The following IGF1R variants were observed in gnomAD, a reference collection of about 807,000 sequenced individuals.
IGF1R encodes insulin like growth factor 1 receptor, also known as insulin-like growth factor 1 receptor.
Under a neutral mutation model 144.6 loss-of-function variants are expected in IGF1R, and 44 were observed. That is an observed-to-expected ratio of 0.30 (90% CI 0.24 to 0.39). IGF1R has a LOEUF of 0.39. Ranked by LOEUF, IGF1R falls within the 10% of genes least tolerant of loss-of-function variation. The pLI is 1.00. For missense variants in IGF1R, 1,355 were observed against 1,833.7 expected (o/e 0.74, Z 4.77); for synonymous variants, 795 against 722.8 (o/e 1.10, Z -1.60).
chr15:98,897,191 C>A, intron 4 of IGF1R: 1 of 446,870 alleles, frequency 2.2e-6, no homozygotes, highest in Non-Finnish European at 4.1e-6. Flanking sequence ...CAAGCCCTGA[C>A]ACATACAAAC....
At chr15:98,659,774 C>G (rs1054825832) in intron 1 of IGF1R, among the ~76,000 whole-genome samples, 5 of 152,156 alleles carry the variant, frequency 3.3e-5, no homozygotes, top group African/African-American at 1.2e-4. Flanking sequence ...TAAAAAAACA[C>G]TACTGATTTC....
chr15:98,714,761 ATTGTCT>A (rs1187879293), intron 2 of IGF1R, among the ~76,000 whole-genome samples: 1 of 152,308 alleles, frequency 6.6e-6, no homozygotes, highest in East Asian at 1.9e-4. Flanking sequence ...AGAGGGGCAC[ATTGTCT>A]TTGTAGTGAG....
chr15:98,924,017 G>T lies in IGF1R; in HGVS notation c.2622+5G>T, dbSNP rs1032076145. ...AAATACGGATCACAAGTTGAGGTAG[G>T]ACTGGGGCAGTGGCCCGTGCCTGCA... is the stretch of plus-strand genomic sequence containing the variant. On this transcript the variant is annotated splice_donor_5th_base_variant and intron_variant, in intron 12 of 20. Coordinates refer to ENST00000650285, the MANE Select transcript of IGF1R (RefSeq NM_000875.5). The T allele has an allele frequency of 6.2e-7, 1 of 1,613,770 alleles. No homozygotes were observed. The highest frequency in any genetic ancestry group is 8.5e-7 in the Non-Finnish European group (1 of 1,179,760).
chr15:98,752,880 CAA>C (rs2055048259), intron 2 of IGF1R, among the ~76,000 whole-genome samples: 1 of 150,430 alleles, frequency 6.6e-6, no homozygotes, highest in East Asian at 1.9e-4. Flanking sequence ...AAATAGTAGC[CAA>C]AGTTACTCAG....
chr15:98,933,177 A>G (rs1279214011), intron 15 of IGF1R, among the ~76,000 whole-genome samples: 1 of 152,202 alleles, frequency 6.6e-6, no homozygotes, highest in Non-Finnish European at 1.5e-5. Flanking sequence ...AATTACTGAC[A>G]TTTCATATGG....
chr15:98,793,880 C>A (rs1287602033), intron 2 of IGF1R, among the ~76,000 whole-genome samples: 1 of 152,218 alleles, frequency 6.6e-6, no homozygotes, highest in Non-Finnish European at 1.5e-5. Flanking sequence ...TTCTGAAATA[C>A]CTGTGTTCGT....
intron 2 of IGF1R, among the ~76,000 whole-genome samples, chr15:98,889,643 TTGTATTTATA>T (rs1357623842): frequency 6.6e-6 from 1 of 152,220 alleles, no homozygotes; most frequent in Admixed American, 6.5e-5. Flanking sequence ...TTGTAGATAC[TTGTATTTATA>T]TGTCCATGCA....
intron 7 of IGF1R, among the ~76,000 whole-genome samples, 177 bp from the exon 8 acceptor site, chr15:98,912,867 G>A (rs937326051): frequency 2.6e-5 from 4 of 152,198 alleles, no homozygotes; most frequent in South Asian, 4.1e-4. Flanking sequence ...TGTAATGCCC[G>A]ACTGGGGAAG....
At chr15:98,915,770 A>T (rs1022525841) in intron 8 of IGF1R, among the ~76,000 whole-genome samples, 194 bp from the exon 9 acceptor site, 2 of 152,250 alleles carry the variant, frequency 1.3e-5, no homozygotes, top group African/African-American at 2.4e-5. Context: ...GAAATAGATT[A>T]TAAAGGGAAA....
intron 1 of IGF1R, among the ~76,000 whole-genome samples, chr15:98,650,155 C>T (rs1397912739): frequency 2.0e-5 from 3 of 152,106 alleles, no homozygotes; most frequent in Non-Finnish European, 2.9e-5. Flanking sequence ...CAGTGGGGAG[C>T]GGGCAGCCGC....
In IGF1R at chr15:98,932,213, C is replaced by T. The variant is rs574045780; in HGVS notation, c.2956+1908C>T. 1.4e-4 allele frequency among the ~76,000 whole-genome samples: 22 copies of T among 152,302 alleles called. No homozygotes were observed. In the South Asian group the frequency reaches 4.6e-3, roughly 32 times the overall value. ...TACAACAAAAACAAACTTATTGCCA[C>T]CCAGGTCGACAGGTGGGAACAGTGT... is the stretch of plus-strand genomic sequence containing the variant. On this transcript the variant is annotated intron_variant, in intron 15 of 20. Transcript: ENST00000650285.
At position 98,924,030 on chromosome 15, in the gene IGF1R, G is replaced by A. The variant is rs1388507398; in HGVS notation, c.2622+18G>A. The A allele has an allele frequency of 1.2e-6, 2 of 1,611,918 alleles. No individual in the cohort carries two copies. The highest frequency in any genetic ancestry group is 2.2e-5 in the East Asian group (1 of 44,882). On this transcript the variant is annotated intron_variant, in intron 12 of 20. Coordinates refer to ENST00000650285, the MANE Select transcript of IGF1R (RefSeq NM_000875.5). ...AAGTTGAGGTAGGACTGGGGCAGTG[G>A]CCCGTGCCTGCATGTACTTCCATCC... is the stretch of plus-strand genomic sequence containing the variant.
At chr15:98,652,659 A>G (rs1441696871) in intron 1 of IGF1R, among the ~76,000 whole-genome samples, 3 of 152,258 alleles carry the variant, frequency 2.0e-5, no homozygotes, top group African/African-American at 4.8e-5. Context: ...AGTCAGTCAC[A>G]AAAGACCACA....
chr15:98,895,206 G>C (rs2014122430), intron 3 of IGF1R, among the ~76,000 whole-genome samples: 2 of 146,538 alleles, frequency 1.4e-5, no homozygotes, highest in African/African-American at 5.3e-5. Context: ...CTACACAAGT[G>C]ATCAGTGACA....
At chr15:98,944,571 T>C (rs1387424290) in intron 19 of IGF1R, among the ~76,000 whole-genome samples, 1 of 152,218 alleles carries the variant, frequency 6.6e-6, no homozygotes, top group Non-Finnish European at 1.5e-5. Context: ...CTCAAAAGAA[T>C]GGAAATGATT....
intron 8 of IGF1R, 99 bp from the exon 9 acceptor site, chr15:98,915,865 G>A: frequency 5.6e-6 from 6 of 1,062,610 alleles, no homozygotes; most frequent in Non-Finnish European, 7.4e-6. Flanking sequence ...TTCTTATCCA[G>A]GTCAAACTGG....
intron 2 of IGF1R, among the ~76,000 whole-genome samples, chr15:98,795,140 ATTGACTATTGTAGCAGTCATAGATTGTTT>A (rs2056209082): frequency 1.2e-3 from 1 of 850 alleles, no homozygotes; most frequent in African/African-American, 3.5e-3. Context: ...GTGGGAAAAT[ATTGACTATTGTAGCAGTCATAGATTGTTT>A]AGGAAGCAGC....
At chr15:98,789,912 A>G (rs1448090485) in intron 2 of IGF1R, among the ~76,000 whole-genome samples, 2 of 152,160 alleles carry the variant, frequency 1.3e-5, no homozygotes, top group East Asian at 1.9e-4. Context: ...CTGCCCTGAA[A>G]ATGGCCCTGA....
intron 2 of IGF1R, among the ~76,000 whole-genome samples, chr15:98,736,610 C>CTTTTTTTTTTTTTTTTTTTTTTTTT (rs1321651793): frequency 7.2e-6 from 1 of 138,980 alleles, no homozygotes; most frequent in Non-Finnish European, 1.6e-5. Flanking sequence ...TTTCTTTTTT[C>CTTTTTTTTTTTTTTTTTTTTTTTTT]TTTTTTCTTT....
Sources: allele counts gnomAD v4.1 joint callset (sites outside exome capture counted in the v4.1 genomes callset), GRCh38; gene constraint gnomAD v4.1.1; transcripts MANE v1.5; gene names NCBI Gene and HGNC (gene_info 2026-07-23, HGNC 2026-07-21).